SPIDR: variants seen among roughly 807,000 people sequenced by gnomAD.
SPIDR encodes DNA repair-scaffolding protein.
A neutral mutation model predicts 104.6 loss-of-function variants in SPIDR; 93 were observed. The observed-to-expected ratio is 0.89, with a 90% CI of 0.75 to 1.06. The LOEUF (loss-of-function observed/expected upper bound fraction) is 1.06, where lower values mean the gene tolerates loss of function less well. Ranked by LOEUF, SPIDR falls within the 50% of genes least tolerant of loss-of-function variation. SPIDR has a pLI of 0.00. For synonymous variants in SPIDR, 431 were observed against 416.9 expected, an observed-to-expected ratio of 1.03 and a Z score of -0.41; for missense variants, 1,154 against 1,111.2, an observed-to-expected ratio of 1.04 and a Z score of -0.55.
chr8:47,382,133 A>G (rs1356172454), intron 5 of SPIDR, among the ~76,000 whole-genome samples: 1 of 152,230 alleles, frequency 6.6e-6, no homozygotes, highest in Non-Finnish European at 1.5e-5. Flanking sequence ...TCTTGAAATT[A>G]GACTTCAATG....
chr8:47,385,046 CTACTTT>C (rs1426473574), intron 5 of SPIDR, among the ~76,000 whole-genome samples: 1 of 151,910 alleles, frequency 6.6e-6, no homozygotes, highest in Non-Finnish European at 1.5e-5. Flanking sequence ...TTTATACTCT[CTACTTT>C]TAATTTACTA....
chr8:47,421,588 C>T (rs1385801684), intron 7 of SPIDR, among the ~76,000 whole-genome samples: 1 of 152,188 alleles, frequency 6.6e-6, no homozygotes, highest in African/African-American at 2.4e-5. Context: ...GTTTGATCAT[C>T]TGTAGCCTTC....
intron 11 of SPIDR, among the ~76,000 whole-genome samples, chr8:47,694,444 G>T (rs557270140): frequency 6.6e-6 from 1 of 152,090 alleles, no homozygotes; most frequent in Non-Finnish European, 1.5e-5. Flanking sequence ...CCATGTAAAA[G>T]ATAAGCGGGG....
chr8:47,518,697 C>T (rs1276259835), intron 8 of SPIDR, among the ~76,000 whole-genome samples: 2 of 150,736 alleles, frequency 1.3e-5, no homozygotes, highest in East Asian at 2.0e-4. Flanking sequence ...AATGCAGTGG[C>T]GCAATCTCGG....
intron 10 of SPIDR, among the ~76,000 whole-genome samples, chr8:47,610,594 G>T (rs140160247): frequency 1.3e-5 from 2 of 152,322 alleles, no homozygotes; most frequent in African/African-American, 4.8e-5. Context: ...CCAGCTGGCG[G>T]GTTTGGTAGG....
chr8:47,275,463 G>A (rs981732450), intron 1 of SPIDR, among the ~76,000 whole-genome samples: 2 of 151,820 alleles, frequency 1.3e-5, no homozygotes, highest in South Asian at 2.1e-4. Context: ...TGAAAAATAG[G>A]TAAGAATAAT....
intron 8 of SPIDR, among the ~76,000 whole-genome samples, chr8:47,545,105 TTCTTTCTTTCTTTC>T (rs1432062743): frequency 2.2e-4 from 31 of 140,274 alleles, no homozygotes; most frequent in African/African-American, 8.0e-4. Context: ...CTTTCTTTCT[TTCTTTCTTTCTTTC>T]TTTTTTTTTT....
At chr8:47,553,419 A>AT (rs1374906441) in intron 8 of SPIDR, among the ~76,000 whole-genome samples, 3 of 152,042 alleles carry the variant, frequency 2.0e-5, no homozygotes, top group African/African-American at 7.2e-5. Flanking sequence ...ATAGTCCCAT[A>AT]TTTTTTGGAG....
At chr8:47,568,219 C>T (rs2058122265) in intron 8 of SPIDR, among the ~76,000 whole-genome samples, 1 of 152,058 alleles carries the variant, frequency 6.6e-6, no homozygotes, top group South Asian at 2.1e-4. Context: ...ATCAACCATT[C>T]CTCATCTCTT....
chr8:47,349,984 C>T (rs2053129855), intron 5 of SPIDR, among the ~76,000 whole-genome samples: 1 of 152,186 alleles, frequency 6.6e-6, no homozygotes. Flanking sequence ...ACCCACTGTC[C>T]AGCCAGTCCC....
intron 11 of SPIDR, among the ~76,000 whole-genome samples, chr8:47,688,088 C>T (rs188550758): frequency 6.7e-6 from 1 of 150,186 alleles, no homozygotes; most frequent in Non-Finnish European, 1.5e-5. Context: ...ATGGAAACAG[C>T]ATCATGCTTG....
At chr8:47,606,980 C>A (rs1412773145) in intron 10 of SPIDR, among the ~76,000 whole-genome samples, 3 of 152,190 alleles carry the variant, frequency 2.0e-5, no homozygotes, top group Non-Finnish European at 4.4e-5. Flanking sequence ...CACAGGGGAC[C>A]ATTTCACCTG....
chr8:47,591,012 A>C (rs1356944608), intron 8 of SPIDR, among the ~76,000 whole-genome samples: 1 of 151,680 alleles, frequency 6.6e-6, no homozygotes, highest in Non-Finnish European at 1.5e-5. Flanking sequence ...CTCATTTTTT[A>C]CTTTCATCCT....
intron 8 of SPIDR, among the ~76,000 whole-genome samples, chr8:47,510,215 A>C (rs1279386834): frequency 6.6e-6 from 1 of 152,246 alleles, no homozygotes; most frequent in Non-Finnish European, 1.5e-5. Context: ...AATCAAAAAA[A>C]GTTAAATTAA....
chr8:47,619,074 A>G (rs998548850), intron 10 of SPIDR, among the ~76,000 whole-genome samples: 4 of 152,252 alleles, frequency 2.6e-5, no homozygotes, highest in Admixed American at 1.3e-4. Flanking sequence ...ATTTTGAACT[A>G]TGTGAATGGG....
At chr8:47,509,888 A>G (rs1013246748) in intron 8 of SPIDR, among the ~76,000 whole-genome samples, 6 of 152,008 alleles carry the variant, frequency 3.9e-5, no homozygotes, top group African/African-American at 1.4e-4. Context: ...ACCACACATC[A>G]CATACCACTT....
At chr8:47,329,552 A>G (rs1282698390) in intron 5 of SPIDR, among the ~76,000 whole-genome samples, 2 of 152,148 alleles carry the variant, frequency 1.3e-5, no homozygotes, top group Admixed American at 1.3e-4. Context: ...TTTAGTGCTT[A>G]TCAGGTACAT....
At chr8:47,638,718 C>CTTTATCAGTATTTATCAGAAATA (rs1361972493) in intron 10 of SPIDR, among the ~76,000 whole-genome samples, 1 of 152,188 alleles carries the variant, frequency 6.6e-6, no homozygotes, top group Non-Finnish European at 1.5e-5. Context: ...TCATTTACTG[C>CTTTATCAGTATTTATCAGAAATA]CTTCCTGAAG....
chr8:47,482,835 G>C (rs1249892706), intron 8 of SPIDR, among the ~76,000 whole-genome samples: 1 of 151,616 alleles, frequency 6.6e-6, no homozygotes, highest in Admixed American at 6.6e-5. Context: ...GTTTTTTTTT[G>C]TTTTGTTTTG....
Sources: gnomAD v4.1 joint callset for allele counts (sites outside exome capture counted in the v4.1 genomes callset) on GRCh38, gnomAD v4.1.1 for gene constraint, MANE v1.5 for transcripts, NCBI Gene and HGNC (gene_info 2026-07-23, HGNC 2026-07-21) for gene names.